Variants in GAB2 observed in about 807,000 individuals in gnomAD.
GAB2 encodes GRB2 associated binding protein 2.
A neutral mutation model predicts 65.5 loss-of-function variants in GAB2; 26 were observed. The ratio of observed to expected loss-of-function variants is 0.40; its 90% CI spans 0.29 to 0.55. The LOEUF (loss-of-function observed/expected upper bound fraction) is 0.55. GAB2 is among the 20% of genes least tolerant of loss of function. The pLI is 0.53. For synonymous variants in GAB2, 321 were observed against 329.6 expected (o/e 0.97, Z 0.28); for missense variants, 884 against 875.8 (o/e 1.01, Z -0.12).
intron 1 of GAB2, among the ~76,000 whole-genome samples, chr11:78,362,554 A>G (rs1856448002): frequency 6.6e-6 from 1 of 152,200 alleles, no homozygotes; most frequent in Non-Finnish European, 1.5e-5. Context: ...GCAACAAATC[A>G]AAACATTTCC....
At chr11:78,291,372 A>G (rs984386881) in intron 1 of GAB2, among the ~76,000 whole-genome samples, 1 of 150,138 alleles carries the variant, frequency 6.7e-6, no homozygotes, top group Non-Finnish European at 1.5e-5. Context: ...AGGCTGAGGC[A>G]GAAGAATGGC....
intron 1 of GAB2, among the ~76,000 whole-genome samples, chr11:78,407,639 AAGAAAGAAAGAAAGAAAGT>A (rs1565188129): frequency 1.1e-4 from 14 of 129,166 alleles, no homozygotes; most frequent in African/African-American, 4.4e-4. Flanking sequence ...TTCTCAAAGA[AAGAAAGAAAGAAAGAAAGT>A]AAGAAAGAAA....
chr11:78,267,825 T>C (rs954025606), intron 2 of GAB2, among the ~76,000 whole-genome samples: 1 of 115,428 alleles, frequency 8.7e-6, no homozygotes, highest in East Asian at 2.9e-4. Flanking sequence ...ACCACTGCAC[T>C]CCAGCCTGGG....
chr11:78,291,555 C>T (rs12363325), intron 1 of GAB2, among the ~76,000 whole-genome samples: 26 of 55,010 alleles, frequency 4.7e-4, no homozygotes, highest in East Asian at 1.0e-3. Flanking sequence ...TTACTTTTTT[C>T]TTTTTCTTTT....
chr11:78,360,503 C>T (rs1193916528), intron 1 of GAB2, among the ~76,000 whole-genome samples: 1 of 151,904 alleles, frequency 6.6e-6, no homozygotes, highest in Non-Finnish European at 1.5e-5. Context: ...AATGTATGTG[C>T]TGATAAAGAG....
At chr11:78,354,999 C>G (rs919173774) in intron 1 of GAB2, among the ~76,000 whole-genome samples, 1 of 152,244 alleles carries the variant, frequency 6.6e-6, no homozygotes, top group Non-Finnish European at 1.5e-5. Flanking sequence ...TCTATTAACT[C>G]TCTAGGTTCT....
intron 3 of GAB2, 144 bp from the exon 4 acceptor site, chr11:78,227,195 C>A: frequency 1.6e-6 from 1 of 635,418 alleles, no homozygotes; most frequent in South Asian, 1.9e-5. Context: ...GTTGTTCAGA[C>A]TCTAGTATAT....
intron 1 of GAB2, among the ~76,000 whole-genome samples, chr11:78,408,333 A>G (rs1352411966): frequency 6.6e-6 from 1 of 152,214 alleles, no homozygotes; most frequent in East Asian, 1.9e-4. Flanking sequence ...ATAAGACGAC[A>G]CCAACTGACT....
chr11:78,325,255 T>C (rs1422356446), intron 1 of GAB2, among the ~76,000 whole-genome samples: 1 of 152,142 alleles, frequency 6.6e-6, no homozygotes, highest in Admixed American at 6.5e-5. Context: ...CTGCCAAAAC[T>C]AAGAAGTAAT....
intron 1 of GAB2, among the ~76,000 whole-genome samples, chr11:78,292,622 G>A (rs1223440203): frequency 6.6e-6 from 1 of 152,180 alleles, no homozygotes; most frequent in Admixed American, 6.5e-5. Context: ...CCAGTCTCGT[G>A]TCCCATAATA....
intron 1 of GAB2, among the ~76,000 whole-genome samples, chr11:78,364,294 C>T (rs949576064): frequency 3.3e-5 from 5 of 152,114 alleles, no homozygotes; most frequent in East Asian, 3.9e-4. Flanking sequence ...CATGAACCAC[C>T]GCATGTGGCT....
intron 1 of GAB2, among the ~76,000 whole-genome samples, chr11:78,389,943 G>A (rs188503400): frequency 6.9e-6 from 1 of 144,088 alleles, no homozygotes; most frequent in East Asian, 1.9e-4. Context: ...TTTTGTACAT[G>A]GATAAGATAA....
intron 1 of GAB2, among the ~76,000 whole-genome samples, chr11:78,289,071 C>G (rs935702936): frequency 6.6e-6 from 1 of 152,128 alleles, no homozygotes; most frequent in Non-Finnish European, 1.5e-5. Flanking sequence ...CACAATATGC[C>G]CAACTGATTT....
intron 1 of GAB2, among the ~76,000 whole-genome samples, chr11:78,359,275 T>C (rs59961504): frequency 9.0e-4 from 137 of 152,046 alleles, no homozygotes; most frequent in African/African-American, 3.1e-3. Flanking sequence ...GCAGGATAAA[T>C]AGAAACCACA....
chr11:78,326,747 T>C (rs1591040859), intron 1 of GAB2, among the ~76,000 whole-genome samples: 1 of 152,254 alleles, frequency 6.6e-6, no homozygotes, highest in Non-Finnish European at 1.5e-5. Flanking sequence ...CATGAAATTC[T>C]ATTGTGGAGA....
intron 1 of GAB2, among the ~76,000 whole-genome samples, chr11:78,337,243 T>TTCCTCATC (rs1457858378): frequency 6.6e-6 from 1 of 152,214 alleles, no homozygotes; most frequent in Non-Finnish European, 1.5e-5. Context: ...TGGGTTTGAT[T>TTCCTCATC]TCCTCATCTA....
intron 1 of GAB2, among the ~76,000 whole-genome samples, 173 bp from the exon 2 acceptor site, chr11:78,281,074 C>CTCCT (rs1866321289): frequency 6.6e-6 from 1 of 152,164 alleles, no homozygotes; most frequent in Non-Finnish European, 1.5e-5. Flanking sequence ...CCACCTCAGC[C>CTCCT]TCCTGGGTGG....
intron 2 of GAB2, among the ~76,000 whole-genome samples, chr11:78,272,186 A>G (rs1866032718): frequency 6.6e-6 from 1 of 152,214 alleles, no homozygotes; most frequent in African/African-American, 2.4e-5. Flanking sequence ...TGGTAGCAGT[A>G]GAGTGGGGTG....
At chr11:78,339,098 T>G (rs1856051393) in intron 1 of GAB2, among the ~76,000 whole-genome samples, 1 of 152,064 alleles carries the variant, frequency 6.6e-6, no homozygotes, top group Non-Finnish European at 1.5e-5. Flanking sequence ...AATTTTTTTT[T>G]TATTTTTAGT....
Sources: gnomAD v4.1 joint callset for allele counts (sites outside exome capture counted in the v4.1 genomes callset) on GRCh38, gnomAD v4.1.1 for gene constraint, MANE v1.5 for transcripts, NCBI Gene and HGNC (gene_info 2026-07-23, HGNC 2026-07-21) for gene names.